The following BLZF1 variants were observed in gnomAD, a reference collection of about 807,000 sequenced individuals.
BLZF1 encodes the protein basic leucine zipper nuclear factor 1, also known as golgin-45.
In BLZF1, 39 loss-of-function variants were observed where a neutral mutation model predicts 43.8. That is an observed-to-expected ratio of 0.89 (90% confidence interval 0.69 to 1.16). The LOEUF (loss-of-function observed/expected upper bound fraction) is 1.16, where lower values mean the gene tolerates loss of function less well. BLZF1 is among the 50% of genes most tolerant of loss of function. The probability of loss-of-function intolerance (pLI) is 0.00; values close to 1 mark genes in which losing one functional copy is unlikely to be tolerated. For missense variants in BLZF1, 449 were observed against 469.8 expected, an observed-to-expected ratio of 0.96 and a Z score of 0.41; for synonymous variants, 136 against 159.4, an observed-to-expected ratio of 0.85 and a Z score of 1.11.
At chr1:169,375,384 TATATAAAAC>T (rs1654272730) in intron 2 of BLZF1, among the ~76,000 whole-genome samples, 1 of 107,506 alleles carries the variant, frequency 9.3e-6, no homozygotes, top group Non-Finnish European at 1.9e-5. Flanking sequence ...AAAACATATA[TATATAAAAC>T]ATATATATAT....
downstream of BLZF1, among the ~76,000 whole-genome samples, chr1:169,392,289 A>G (rs1369466203): frequency 6.6e-6 from 1 of 152,228 alleles, no homozygotes; most frequent in Non-Finnish European, 1.5e-5. Context: ...AGCCAAAACA[A>G]TGCGGAAAAG....
At chr1:169,376,353 A>C (rs576758713) in intron 2 of BLZF1, among the ~76,000 whole-genome samples, 187 bp from the exon 3 acceptor site, 3 of 152,234 alleles carry the variant, frequency 2.0e-5, no homozygotes, top group African/African-American at 7.2e-5. Flanking sequence ...TCTCTTGTCT[A>C]CTGAAGGAAA....
chr1:169,375,648 A>G (rs1269430608), intron 2 of BLZF1, among the ~76,000 whole-genome samples: 2 of 151,324 alleles, frequency 1.3e-5, no homozygotes, highest in African/African-American at 2.4e-5. Context: ...GTCTTACCTC[A>G]TAGAATGTCT....
intron 5 of BLZF1, among the ~76,000 whole-genome samples, chr1:169,381,195 AG>A (rs201330879): frequency 2.4e-4 from 36 of 151,470 alleles, no homozygotes; most frequent in Non-Finnish European, 4.1e-4. Flanking sequence ...TCAGGAATGA[AG>A]GGGGGGGTAC....
downstream of BLZF1, among the ~76,000 whole-genome samples, chr1:169,391,457 G>T (rs530964685): frequency 6.6e-6 from 1 of 152,250 alleles, no homozygotes; most frequent in East Asian, 1.9e-4. Context: ...GTCTCTCCTG[G>T]CTGGCACGCC....
At chr1:169,380,432 A>G in intron 4 of BLZF1, 49 bp from the exon 5 acceptor site, 1 of 1,522,852 alleles carries the variant, frequency 6.6e-7, no homozygotes, top group Non-Finnish European at 8.9e-7. Flanking sequence ...AATTTTTTAC[A>G]CTGTATTATT....
chr1:169,375,447 T>A (rs1654287055), intron 2 of BLZF1, among the ~76,000 whole-genome samples: 1 of 127,192 alleles, frequency 7.9e-6, no homozygotes, highest in Non-Finnish European at 1.6e-5. Flanking sequence ...GGCTGGACAG[T>A]GATGAATTCA....
intron 3 of BLZF1, 76 bp downstream of exon 3, chr1:169,377,055 T>C (rs181352981): frequency 8.5e-7 from 1 of 1,180,078 alleles, no homozygotes; most frequent in Admixed American, 2.3e-5. Flanking sequence ...GTTAGAAAAC[T>C]ACATTTCTTT....
At chr1:169,370,825 C>G (rs894290423) in intron 2 of BLZF1, among the ~76,000 whole-genome samples, 1 of 152,134 alleles carries the variant, frequency 6.6e-6, no homozygotes, top group Non-Finnish European at 1.5e-5. Context: ...CTATCTATAT[C>G]CCTAATCTCC....
At chr1:169,393,804 G>T (rs1290843282) in intron 7 of BLZF1, among the ~76,000 whole-genome samples, 1 of 152,040 alleles carries the variant, frequency 6.6e-6, no homozygotes, top group African/African-American at 2.4e-5. Context: ...GTTTCGCCAT[G>T]TTGGCCAGGC....
intron 5 of BLZF1, 94 bp downstream of exon 5, chr1:169,380,703 G>C: frequency 1.4e-6 from 2 of 1,445,322 alleles, no homozygotes; most frequent in Non-Finnish European, 1.9e-6. Context: ...TTTTTGTTTT[G>C]GGTGTGTCTA....
At chr1:169,378,852 A>T (rs528247922) in intron 4 of BLZF1, among the ~76,000 whole-genome samples, 4 of 151,990 alleles carry the variant, frequency 2.6e-5, no homozygotes, top group African/African-American at 9.7e-5. Flanking sequence ...ATTTTTCCCC[A>T]TTCAAATATT....
intron 2 of BLZF1, among the ~76,000 whole-genome samples, chr1:169,375,346 CAT>C (rs904605814): frequency 2.7e-5 from 2 of 72,778 alleles, no homozygotes; most frequent in South Asian, 3.2e-4. Context: ...ATATATAAAA[CAT>C]ATATATAAAA....
chr1:169,368,502 A>G (rs1653983005), intron 1 of BLZF1, 160 bp downstream of exon 1: 1 of 152,164 alleles, frequency 6.6e-6, no homozygotes, highest in East Asian at 1.9e-4. Context: ...CCGGACAGCA[A>G]AGTTGACAGG....
rs771385053 is a variant in BLZF1 at position 169,369,269 on chromosome 1, T to G, written c.-50-204T>G. On this transcript the variant is annotated intron_variant, in intron 1 of 6. Coordinates refer to ENST00000367808, the MANE Select transcript of BLZF1 (RefSeq NM_001320973.2). Reference sequence around the variant, plus strand: ...GATGGTGAAACGGAGTATTTAGAAGTAAACCACCCCTAATTTTTTTTTTTG... The same window carrying G: ...GATGGTGAAACGGAGTATTTAGAAGGAAACCACCCCTAATTTTTTTTTTTG... 6.6e-4 allele frequency among the ~76,000 whole-genome samples: 84 copies of G among 127,398 alleles called. 1 individual carries two copies. Among genetic ancestry groups the G allele is most frequent in the Non-Finnish European group, 2.5e-4 (15 of 59,124 alleles). 83.6% of individuals were successfully genotyped at this position (127,398 alleles called of 152,430 possible).
At chr1:169,385,996 TGTG>T (rs1654656838) in intron 6 of BLZF1, among the ~76,000 whole-genome samples, 1 of 152,188 alleles carries the variant, frequency 6.6e-6, no homozygotes, top group Non-Finnish European at 1.5e-5. Context: ...AAACACATCA[TGTG>T]GTGATGACTG....
chr1:169,372,964 C>A (rs951723387), intron 2 of BLZF1, among the ~76,000 whole-genome samples: 1 of 152,078 alleles, frequency 6.6e-6, no homozygotes, highest in East Asian at 1.9e-4. Flanking sequence ...ATTATTAGAC[C>A]TATGTTATCA....
downstream of BLZF1, among the ~76,000 whole-genome samples, chr1:169,392,557 G>T (rs953625585): frequency 2.0e-5 from 3 of 152,150 alleles, no homozygotes; most frequent in Admixed American, 2.0e-4. Context: ...TACATATTTT[G>T]GTCTTGTACC....
chr1:169,389,355 G>C (rs1654762477), downstream of BLZF1, among the ~76,000 whole-genome samples: 1 of 151,930 alleles, frequency 6.6e-6, no homozygotes, highest in Non-Finnish European at 1.5e-5. Flanking sequence ...CTCCAAAAAG[G>C]ATATATAGAT....
Sources: allele counts gnomAD v4.1 joint callset (sites outside exome capture counted in the v4.1 genomes callset), GRCh38; gene constraint gnomAD v4.1.1; transcripts MANE v1.5; gene names NCBI Gene and HGNC (gene_info 2026-07-23, HGNC 2026-07-21).